The following ABR variants were observed in gnomAD, a reference collection of about 807,000 sequenced individuals.
ABR encodes active breakpoint cluster region-related protein.
Under a neutral mutation model 107.2 loss-of-function variants are expected in ABR, and 35 were observed. The observed-to-expected ratio is 0.33, with a 90% confidence interval of 0.25 to 0.43. The LOEUF is 0.43. Ranked by LOEUF, ABR falls within the 20% of genes least tolerant of loss-of-function variation. The pLI, the probability that ABR is intolerant of heterozygous loss-of-function variation, is 1.00. For missense variants in ABR, 815 were observed against 1,115.2 expected (o/e 0.73, Z 3.83); for synonymous variants, 498 against 462.0 (o/e 1.08, Z -1.00).
At chr17:1,077,273 C>T (rs1214991836) in intron 6 of ABR, among the ~76,000 whole-genome samples, 1 of 152,082 alleles carries the variant, frequency 6.6e-6, no homozygotes, top group African/African-American at 2.4e-5. Flanking sequence ...CTGGCCCTTT[C>T]ACTCCTCATT....
At position 1,084,050 on chromosome 17, in the gene ABR, G is replaced by A. The variant is rs1567724816; in HGVS notation, c.532-423C>T. 6.6e-6 allele frequency among the ~76,000 whole-genome samples: 1 copy of A among 152,174 alleles called. No individual in the cohort carries two copies. Among genetic ancestry groups the A allele is most frequent in the Non-Finnish European group, 1.5e-5 (1 of 68,012 alleles). Reference sequence around the variant, plus strand: ...TGTGCTGGGGGGAGCTGGCACGTGTGGCCTGCTCAGGCCTCCCTCCCCACG... The same window carrying A: ...TGTGCTGGGGGGAGCTGGCACGTGTAGCCTGCTCAGGCCTCCCTCCCCACG... On this transcript the variant is annotated intron_variant, in intron 4 of 22. Coordinates refer to ENST00000302538, the MANE Select transcript of ABR (RefSeq NM_021962.5). This position sits in a 1 kb window ranked among gnomAD's most constrained non-coding sequence, Gnocchi z 4.2.
In ABR at chr17:1,056,097, G is replaced by C. The variant is rs2033237760; in HGVS notation, c.1499C>G (p.Pro500Arg). 2 of 1,614,016 alleles carry C rather than the reference G, an allele frequency of 1.2e-6. No individual in the cohort carries two copies. Among genetic ancestry groups the C allele is most frequent in the Non-Finnish European group, 1.7e-6 (2 of 1,179,986 alleles). ...GACATGAAGGAAGCCATAGAGTCCT[G>C]GAGACTCATCGTCTGCAAGAGAGAA... Reference protein sequence around the residue: ...VTSNKDDDESPGLYGFLHVIV... With the variant: ...VTSNKDDDESRGLYGFLHVIV... The change falls in exon 14 of 23, where the codon CCA becomes CGA. Residue 500 changes from proline to arginine, a missense_variant. This residue lies in a region of ABR where 385 missense variants were observed against 596.9 expected (regional missense o/e 0.64). Transcript: ENST00000302538.
intron 1 of ABR, among the ~76,000 whole-genome samples, chr17:1,132,979 A>T (rs1233591412): frequency 6.6e-6 from 1 of 152,178 alleles, no homozygotes; most frequent in Admixed American, 6.5e-5. Context: ...ACAGTGGCTC[A>T]CGCCTGTAAC....
At chr17:1,174,608 G>A (rs1338455352) in intron 1 of ABR, among the ~76,000 whole-genome samples, 1 of 152,178 alleles carries the variant, frequency 6.6e-6, no homozygotes, top group African/African-American at 2.4e-5. Context: ...AATCGCCCTT[G>A]GAAATGTTGC....
At chr17:1,031,561 G>T in intron 16 of ABR, 2 of 235,838 alleles carry the variant, frequency 8.5e-6, no homozygotes, top group Non-Finnish European at 1.1e-5. Flanking sequence ...GCGCCCCCGA[G>T]CCCCCACCCC....
intron 1 of ABR, among the ~76,000 whole-genome samples, chr17:1,185,677 A>G (rs2042272107): frequency 6.6e-6 from 1 of 150,442 alleles, no homozygotes; most frequent in Non-Finnish European, 1.5e-5. Flanking sequence ...AAAAAAAAAA[A>G]AAAGAAGGTA....
At chr17:1,066,749 G>A (rs2034784026) in intron 10 of ABR, among the ~76,000 whole-genome samples, 2 of 151,936 alleles carry the variant, frequency 1.3e-5, no homozygotes, top group South Asian at 2.1e-4. Flanking sequence ...GGCTGGTCTC[G>A]AACTCCTGGC....
chr17:1,089,830 G>C (rs1243468213), intron 4 of ABR, among the ~76,000 whole-genome samples: 2 of 152,152 alleles, frequency 1.3e-5, no homozygotes, highest in Non-Finnish European at 2.9e-5. Context: ...TGTGATGGTG[G>C]GCGCCTGTAA....
intron 1 of ABR, among the ~76,000 whole-genome samples, chr17:1,159,739 C>T (rs1377394147): frequency 1.3e-5 from 2 of 152,088 alleles, no homozygotes; most frequent in Non-Finnish European, 2.9e-5. Flanking sequence ...GCGGTACTCA[C>T]ACACAGGAGA....
chr17:1,167,755 C>G (rs886954745), intron 1 of ABR, among the ~76,000 whole-genome samples: 1 of 152,246 alleles, frequency 6.6e-6, no homozygotes, highest in Non-Finnish European at 1.5e-5. Flanking sequence ...GGCATCCTAT[C>G]ACGGAAGCCT....
rs2070405189 is a variant in ABR, at chr17:1,010,120, CAT to C, written c.2237-338_2237-337del. 1 of 359,894 alleles carries C rather than the reference CAT, an allele frequency of 2.8e-6. No individual in the cohort carries two copies. The highest frequency in any genetic ancestry group is 2.0e-5 in the African/African-American group (1 of 49,510). 22.3% of individuals were successfully genotyped at this position (359,894 alleles called of 1,614,324 possible). On this transcript the variant is annotated intron_variant, in intron 20 of 22. Transcript: ENST00000302538. The surrounding 1 kb of genome is among the most constrained non-coding windows in gnomAD (Gnocchi z 4.1). ...GTGGCTAAGGTTAAGCCAGTAGGGA[CAT>C]ATCCTGCCAGCGGTGGATTCTCTTT...
At chr17:1,093,616 G>A (rs2037186095) in intron 3 of ABR, among the ~76,000 whole-genome samples, 1 of 152,134 alleles carries the variant, frequency 6.6e-6, no homozygotes, top group Admixed American at 6.6e-5. Flanking sequence ...AAGCATTCTA[G>A]CAGAGAATGG....
chr17:1,119,787 C>T (rs1250139746), intron 2 of ABR, among the ~76,000 whole-genome samples: 2 of 152,204 alleles, frequency 1.3e-5, no homozygotes, highest in Non-Finnish European at 2.9e-5. Context: ...GGCGTGTGAG[C>T]GGGACCTGAC....
At chr17:1,035,962 G>A (rs1279291264) in intron 16 of ABR, among the ~76,000 whole-genome samples, 1 of 151,914 alleles carries the variant, frequency 6.6e-6, no homozygotes, top group African/African-American at 2.4e-5. Context: ...CCTGCCCTGT[G>A]CGAGCGGGAG....
At chr17:1,169,674 G>A (rs920412732) in intron 1 of ABR, among the ~76,000 whole-genome samples, 5 of 152,180 alleles carry the variant, frequency 3.3e-5, no homozygotes, top group African/African-American at 4.8e-5. Flanking sequence ...AACATGCTGC[G>A]CGCGGGAGAG....
At chr17:1,198,467 G>T (rs77470342) in intron 1 of ABR, among the ~76,000 whole-genome samples, 1 of 151,476 alleles carries the variant, frequency 6.6e-6, no homozygotes. Context: ...TTCCGGCCAG[G>T]CACAGTGGCT....
At chr17:1,012,156 GC>G in intron 18 of ABR, 171 bp from the exon 19 acceptor site, 1 of 1,083,646 alleles carries the variant, frequency 9.2e-7, no homozygotes, top group Non-Finnish European at 1.4e-6. Flanking sequence ...ACCCCAGCCA[GC>G]CCACCCGAGG....
chr17:1,102,497 G>A (rs1274183518), intron 2 of ABR, among the ~76,000 whole-genome samples: 1 of 152,174 alleles, frequency 6.6e-6, no homozygotes. Context: ...GGAAGAAGAC[G>A]ACTGTCTTGG....
chr17:1,025,274 C>T (rs866261640), intron 16 of ABR, among the ~76,000 whole-genome samples: 3 of 152,126 alleles, frequency 2.0e-5, no homozygotes, highest in East Asian at 1.9e-4. Context: ...CCAGCCTGGG[C>T]GACACAGCAA....
Sources: gnomAD v4.1 joint callset for allele counts (sites outside exome capture counted in the v4.1 genomes callset) on GRCh38, gnomAD v4.1.1 for gene constraint, gnomAD v4.1.1 regional missense constraint, Gnocchi (gnomAD v3.1) non-coding constraint, MANE v1.5 for transcripts, NCBI Gene and HGNC (gene_info 2026-07-23, HGNC 2026-07-21) for gene names.